PDE4D: variants seen among roughly 807,000 people sequenced by gnomAD.
The protein encoded by PDE4D is 3',5'-cyclic-AMP phosphodiesterase 4D.
In PDE4D, 24 loss-of-function variants were observed where a neutral mutation model predicts 87.4. The ratio of observed to expected loss-of-function variants is 0.27; its 90% CI spans 0.20 to 0.39. PDE4D has a LOEUF of 0.39. PDE4D is among the 10% of genes least tolerant of loss of function. The pLI, the probability that PDE4D is intolerant of heterozygous loss-of-function variation, is 1.00. For missense variants in PDE4D, 714 were observed against 1,041.0 expected (o/e 0.69, Z 4.32); for synonymous variants, 384 against 383.2 (o/e 1.00, Z -0.02).
At chr5:60,149,479 A>G (rs116734898) in intron 2 of PDE4D, among the ~76,000 whole-genome samples, 29 of 152,304 alleles carry the variant, frequency 1.9e-4, no homozygotes, top group African/African-American at 7.0e-4. Context: ...ATTGGGGATT[A>G]AGTTTCTAAT....
chr5:59,383,536 T>C (rs1273640984), intron 1 of PDE4D, among the ~76,000 whole-genome samples: 1 of 152,160 alleles, frequency 6.6e-6, no homozygotes, highest in African/African-American at 2.4e-5. Flanking sequence ...CGCTACACAA[T>C]GTATTTATTT....
intron 3 of PDE4D, among the ~76,000 whole-genome samples, chr5:59,983,786 A>G (rs995826142): frequency 2.6e-5 from 4 of 152,182 alleles, no homozygotes; most frequent in African/African-American, 9.7e-5. Flanking sequence ...CACTTTAGAA[A>G]ACTGTTGGGC....
intron 1 of PDE4D, among the ~76,000 whole-genome samples, chr5:59,518,174 T>C (rs181243559): frequency 3.4e-4 from 50 of 145,704 alleles, no homozygotes; most frequent in African/African-American, 1.3e-3. Flanking sequence ...AATAAGTATA[T>C]ATGTATGTAC....
intron 5 of PDE4D, among the ~76,000 whole-genome samples, chr5:59,112,496 C>G (rs1772839966): frequency 6.6e-6 from 1 of 152,096 alleles, no homozygotes; most frequent in Non-Finnish European, 1.5e-5. Flanking sequence ...TCATCCAAGC[C>G]AGAGAAGATG....
intron 1 of PDE4D, among the ~76,000 whole-genome samples, chr5:60,319,958 G>A (rs543952735): frequency 1.2e-4 from 18 of 152,338 alleles, no homozygotes; most frequent in East Asian, 3.9e-4. Flanking sequence ...CAGTCTGTCC[G>A]TTCTCAGATC....
chr5:59,621,687 A>T (rs1016321641), intron 1 of PDE4D, among the ~76,000 whole-genome samples: 4 of 152,210 alleles, frequency 2.6e-5, no homozygotes, highest in Non-Finnish European at 4.4e-5. Context: ...GGTTATAAAC[A>T]ACAGTAGTCA....
In PDE4D at chr5:60,356,410, C is replaced by T. The variant is rs185366783; in HGVS notation, c.-90+131532G>A. ...CTCCTCACGCATTTAAATAGACTGC[C>T]TTGGGCTGCAGTTGTTATTTTTATA... On this transcript the variant is annotated intron_variant, in intron 1 of 16. Transcript: ENST00000502484. Among the ~76,000 whole-genome samples the T allele has an allele frequency of 9.2e-5, 14 of 152,182 alleles. No homozygotes were observed. In the East Asian group the frequency reaches 2.7e-3, roughly 29 times the overall value.
intron 11 of PDE4D, among the ~76,000 whole-genome samples, chr5:58,986,596 G>T (rs1011041499): frequency 6.6e-6 from 1 of 152,198 alleles, no homozygotes; most frequent in Non-Finnish European, 1.5e-5. Flanking sequence ...TCATGCAAGG[G>T]ATCTAGGTTG....
At chr5:59,248,147 T>C (rs1759250802) in intron 1 of PDE4D, among the ~76,000 whole-genome samples, 1 of 148,200 alleles carries the variant, frequency 6.7e-6, no homozygotes, top group South Asian at 2.3e-4. Flanking sequence ...TATTATCTAT[T>C]TTACAAAATA....
intron 1 of PDE4D, among the ~76,000 whole-genome samples, chr5:60,229,973 A>G (rs898133628): frequency 1.3e-5 from 2 of 152,230 alleles, no homozygotes; most frequent in Middle Eastern, 3.4e-3. Context: ...AGAAGAAACT[A>G]TTTCTGCTGA....
At chr5:59,566,960 AT>A (rs1253523395) in intron 1 of PDE4D, among the ~76,000 whole-genome samples, 1 of 151,948 alleles carries the variant, frequency 6.6e-6, no homozygotes, top group Non-Finnish European at 1.5e-5. Context: ...TGGGTAGTAT[AT>A]TTTTGTTAGC....
chr5:59,305,938 C>A (rs764345654), intron 1 of PDE4D, among the ~76,000 whole-genome samples: 5 of 152,034 alleles, frequency 3.3e-5, no homozygotes, highest in Non-Finnish European at 7.4e-5. Context: ...TCCATTGTTT[C>A]TTTGTTGACT....
chr5:60,166,536 G>C (rs1417402747), intron 2 of PDE4D, among the ~76,000 whole-genome samples: 1 of 152,052 alleles, frequency 6.6e-6, no homozygotes, highest in Non-Finnish European at 1.5e-5. Flanking sequence ...TACTAATTTA[G>C]TCTTTTAACC....
At chr5:59,083,355 T>A (rs1210350108) in intron 5 of PDE4D, among the ~76,000 whole-genome samples, 1 of 152,244 alleles carries the variant, frequency 6.6e-6, no homozygotes, top group Non-Finnish European at 1.5e-5. Context: ...CGGTGTTGGA[T>A]GAAACTTTTC....
chr5:59,360,380 T>C (rs1469524530), intron 1 of PDE4D, among the ~76,000 whole-genome samples: 1 of 152,150 alleles, frequency 6.6e-6, no homozygotes, highest in Non-Finnish European at 1.5e-5. Context: ...GTGCTGTATT[T>C]TGAAATAGTC....
chr5:58,982,492 G>GT (rs1358393175), intron 11 of PDE4D, among the ~76,000 whole-genome samples: 1 of 152,206 alleles, frequency 6.6e-6, no homozygotes, highest in East Asian at 1.9e-4. Context: ...GAATACCATA[G>GT]TTTTGGCAGA....
intron 1 of PDE4D, among the ~76,000 whole-genome samples, chr5:60,295,952 A>C (rs1162506585): frequency 6.6e-6 from 1 of 152,166 alleles, no homozygotes; most frequent in Non-Finnish European, 1.5e-5. Flanking sequence ...AGATCAAGGA[A>C]CCAGAGAATT....
chr5:59,173,734 C>A (rs1027676722), intron 5 of PDE4D, among the ~76,000 whole-genome samples: 13 of 152,316 alleles, frequency 8.5e-5, no homozygotes, highest in African/African-American at 2.9e-4. Flanking sequence ...CAGCATGAAG[C>A]TGCTGCCTGC....
At position 59,920,932 on chromosome 5, in the gene PDE4D, G is replaced by A. The variant is rs58383051; in HGVS notation, c.272+67556C>T. On this transcript the variant is annotated intron_variant, in intron 3 of 16. Transcript: ENST00000502484. ...CCTAATGTAAATGACGAGTTAATGG[G>A]TGCAGTAAACCAACATGGCAATGTA... Among the ~76,000 whole-genome samples the A allele has an allele frequency of 5.2e-3, 785 of 152,074 alleles. 2 individuals are homozygous for A. Among genetic ancestry groups the A allele is most frequent in the African/African-American group, 0.018 (756 of 41,458 alleles).
Sources: gnomAD v4.1 joint callset for allele counts (sites outside exome capture counted in the v4.1 genomes callset) on GRCh38, gnomAD v4.1.1 for gene constraint, MANE v1.5 for transcripts, NCBI Gene and HGNC (gene_info 2026-07-23, HGNC 2026-07-21) for gene names.